ADAMTS17: variants seen among roughly 807,000 people sequenced by gnomAD.
The protein encoded by ADAMTS17 is A disintegrin and metalloproteinase with thrombospondin motifs 17.
In ADAMTS17, 113 loss-of-function variants were observed where a neutral mutation model predicts 141.5. The observed-to-expected ratio is 0.80, with a 90% CI of 0.69 to 0.93. The LOEUF (loss-of-function observed/expected upper bound fraction) is 0.93. Ranked by LOEUF, ADAMTS17 falls within the 40% of genes least tolerant of loss-of-function variation. The pLI, the probability that ADAMTS17 is intolerant of heterozygous loss-of-function variation, is 0.00. For missense variants in ADAMTS17, 1,659 were observed against 1,517.9 expected, an observed-to-expected ratio of 1.09 and a Z score of -1.54; for synonymous variants, 768 against 630.6, an observed-to-expected ratio of 1.22 and a Z score of -3.27.
intron 2 of ADAMTS17, among the ~76,000 whole-genome samples, chr15:100,331,551 TC>T (rs1040887860): frequency 6.6e-6 from 1 of 152,124 alleles, no homozygotes; most frequent in African/African-American, 2.4e-5. Flanking sequence ...GCTGCTAGTT[TC>T]CCTTCTTATG....
chr15:100,047,675 C>T (rs376953880), intron 18 of ADAMTS17, among the ~76,000 whole-genome samples: 7 of 152,162 alleles, frequency 4.6e-5, no homozygotes, highest in Admixed American at 2.6e-4. Flanking sequence ...CCTCCTCCAT[C>T]GTCTCTTACC....
intron 10 of ADAMTS17, among the ~76,000 whole-genome samples, chr15:100,146,363 G>A (rs574807269): frequency 6.6e-6 from 1 of 152,288 alleles, no homozygotes; most frequent in South Asian, 2.1e-4. Context: ...AATTTCTTAT[G>A]CCTGTCTTTA....
chr15:100,232,345 C>T (rs1289564182), intron 7 of ADAMTS17, among the ~76,000 whole-genome samples: 2 of 152,240 alleles, frequency 1.3e-5, no homozygotes, highest in Non-Finnish European at 2.9e-5. Context: ...TCTCCTTCCC[C>T]TCAAGGCAGA....
intron 10 of ADAMTS17, among the ~76,000 whole-genome samples, chr15:100,144,438 T>G (rs2038802966): frequency 6.6e-6 from 1 of 152,094 alleles, no homozygotes; most frequent in African/African-American, 2.4e-5. Context: ...TAATCCCAGC[T>G]TCTTGTGAGG....
chr15:100,251,917 A>G (rs2043167996), intron 7 of ADAMTS17, among the ~76,000 whole-genome samples: 1 of 152,184 alleles, frequency 6.6e-6, no homozygotes, highest in Non-Finnish European at 1.5e-5. Flanking sequence ...CCCTCAGGAG[A>G]GGCAAAGTCT....
chr15:100,020,798 C>T (rs893212311), intron 18 of ADAMTS17, among the ~76,000 whole-genome samples: 1 of 152,172 alleles, frequency 6.6e-6, no homozygotes, highest in Non-Finnish European at 1.5e-5. Context: ...GGCTGGCGTT[C>T]GGCTGTGTCT....
At position 100,281,328 on chromosome 15, in the gene ADAMTS17, G is replaced by C. The variant is rs143247183; in HGVS notation, c.690C>G (p.Ser230Arg). 1.9e-6 allele frequency: 3 copies of C among 1,610,492 alleles called. No homozygotes were observed. The Admixed American group carries it at 5.0e-5, about 27-fold the overall frequency. ...CCACCAGGGTCTCCACCGTGTGCTCGCTGGTGAGCCGGATAGCGTTCCTCC... is the reference window on the plus strand; with the variant it reads ...CCACCAGGGTCTCCACCGTGTGCTCCCTGGTGAGCCGGATAGCGTTCCTCC... The part of the protein sequence containing the change: ...RERRNAIRLT[S>R]EHTVETLVVA... Residue 230 changes from serine to arginine, a missense_variant, in exon 4 of 22, where the codon AGC becomes AGG. Transcript: ENST00000268070.
At position 100,096,474 on chromosome 15, in the gene ADAMTS17, T is replaced by C. The variant is rs2035765445; in HGVS notation, c.2019A>G (p.Lys673=). The change falls in exon 15 of 22, where the codon AAA becomes AAG. Residue 673 remains lysine, a splice_region_variant and synonymous_variant. Transcript: ENST00000268070. ...TDLCVHGKCQ[K]IGCDGIIGSA... Reference sequence around the variant, plus strand: ...ACCCGATGATGCCGTCACAGCCGATTTTCTAAAGAACCAGAGGGCCTCATT... The same window carrying C: ...ACCCGATGATGCCGTCACAGCCGATCTTCTAAAGAACCAGAGGGCCTCATT... 5 of 1,614,048 alleles carry C rather than the reference T, an allele frequency of 3.1e-6. No individual in the cohort carries two copies. The highest frequency in any genetic ancestry group is 4.2e-6 in the Non-Finnish European group (5 of 1,180,036).
chr15:100,147,762 A>C (rs4246302), intron 10 of ADAMTS17, among the ~76,000 whole-genome samples: 2 of 151,996 alleles, frequency 1.3e-5, no homozygotes, highest in Non-Finnish European at 2.9e-5. Flanking sequence ...AAAACCCTAA[A>C]CTAATGTATT....
intron 13 of ADAMTS17, among the ~76,000 whole-genome samples, chr15:100,110,587 A>C (rs1466022058): frequency 6.6e-6 from 1 of 152,192 alleles, no homozygotes; most frequent in East Asian, 1.9e-4. Context: ...ATTTTTGAAC[A>C]AACAGGTTGA....
chr15:99,988,336 G>A (rs558007104), intron 20 of ADAMTS17, among the ~76,000 whole-genome samples: 1 of 152,092 alleles, frequency 6.6e-6, no homozygotes, highest in African/African-American at 2.4e-5. Flanking sequence ...AAAGTCTGGG[G>A]CCTCTGCCCT....
chr15:100,130,627 C>G (rs1235688191), intron 12 of ADAMTS17, among the ~76,000 whole-genome samples: 2 of 152,086 alleles, frequency 1.3e-5, no homozygotes, highest in East Asian at 3.9e-4. Flanking sequence ...CCTTAGTGTT[C>G]TGTGATTTGA....
intron 5 of ADAMTS17, among the ~76,000 whole-genome samples, chr15:100,261,926 CATG>C (rs1193805728): frequency 2.0e-5 from 3 of 152,210 alleles, no homozygotes; most frequent in Non-Finnish European, 4.4e-5. Context: ...CCCTCAGTCT[CATG>C]GTGGTGGCTT....
intron 15 of ADAMTS17, among the ~76,000 whole-genome samples, chr15:100,056,586 C>T (rs979859353): frequency 6.6e-6 from 1 of 152,172 alleles, no homozygotes; most frequent in Non-Finnish European, 1.5e-5. Flanking sequence ...AATCTAATGT[C>T]CCACTTCTGA....
At position 100,341,425 on chromosome 15, in the gene ADAMTS17, A is replaced by G; in HGVS notation, c.80-16T>C. The stretch of plus-strand genomic sequence containing the variant: ...TCGCCGACAGCTGCGGGGAGAGAGG[A>G]GACGCGTCAGCGCGGCGGGGCCCGC... On this transcript the variant is annotated splice_polypyrimidine_tract_variant and intron_variant, in intron 1 of 21. Transcript: ENST00000268070. 9.9e-7 allele frequency: 1 copy of G among 1,013,742 alleles called. No individual in the cohort carries two copies. The allele number at this position is 1,013,742 out of a possible 1,614,324, so 62.8% of individuals were successfully genotyped here.
intron 3 of ADAMTS17, among the ~76,000 whole-genome samples, chr15:100,330,098 T>C (rs1259168958): frequency 6.6e-6 from 1 of 152,150 alleles, no homozygotes; most frequent in Admixed American, 6.5e-5. Context: ...TGTAGCCCCA[T>C]GAAATGTCCT....
chr15:100,066,402 T>C (rs2033531203), intron 15 of ADAMTS17, among the ~76,000 whole-genome samples: 1 of 152,168 alleles, frequency 6.6e-6, no homozygotes, highest in Non-Finnish European at 1.5e-5. Flanking sequence ...TTAAATTATT[T>C]CATACATGTG....
At chr15:100,317,187 A>AT (rs1218050278) in intron 3 of ADAMTS17, among the ~76,000 whole-genome samples, 2 of 152,106 alleles carry the variant, frequency 1.3e-5, no homozygotes, top group African/African-American at 4.8e-5. Context: ...TAAAAATGGG[A>AT]TGGAGGGACT....
intron 18 of ADAMTS17, among the ~76,000 whole-genome samples, chr15:100,023,050 G>C (rs1378084018): frequency 6.6e-6 from 1 of 152,186 alleles, no homozygotes; most frequent in African/African-American, 2.4e-5. Context: ...CGGGCTTTAA[G>C]GATTTCTCAG....
Sources: allele counts gnomAD v4.1 joint callset (sites outside exome capture counted in the v4.1 genomes callset), GRCh38; gene constraint gnomAD v4.1.1; transcripts MANE v1.5; gene names NCBI Gene and HGNC (gene_info 2026-07-23, HGNC 2026-07-21).